Variants in KAZN observed in about 807,000 individuals in gnomAD.
KAZN encodes the protein kazrin.
KAZN carries 40 observed loss-of-function variants against 87.4 expected under a neutral mutation model. The observed-to-expected ratio is 0.46, with a 90% CI of 0.36 to 0.60. The LOEUF (loss-of-function observed/expected upper bound fraction) is 0.60, where lower values mean the gene tolerates loss of function less well. Ranked by LOEUF, KAZN falls within the 20% of genes least tolerant of loss-of-function variation. The pLI is 0.00. For synonymous variants in KAZN, 466 were observed against 458.3 expected, an observed-to-expected ratio of 1.02 and a Z score of -0.22; for missense variants, 898 against 1,073.9, an observed-to-expected ratio of 0.84 and a Z score of 2.29.
At chr1:14,072,779 C>T (rs533559232) in intron 1 of KAZN, among the ~76,000 whole-genome samples, 1 of 152,244 alleles carries the variant, frequency 6.6e-6, no homozygotes, top group African/African-American at 2.4e-5. Flanking sequence ...GGAACAATGA[C>T]ACCTCCCTCC....
At chr1:14,779,789 T>C (rs1301678258) in intron 1 of KAZN, among the ~76,000 whole-genome samples, 5 of 152,212 alleles carry the variant, frequency 3.3e-5, no homozygotes, top group African/African-American at 1.2e-4. Flanking sequence ...CAACTTTCTT[T>C]TCTTGGCAGC....
chr1:14,437,566 G>C (rs552866885), intron 2 of KAZN, among the ~76,000 whole-genome samples: 3 of 152,144 alleles, frequency 2.0e-5, no homozygotes, highest in Non-Finnish European at 4.4e-5. Context: ...GGATCAATTT[G>C]CTGTACTTTT....
At chr1:14,806,576 T>C (rs1044556911) in intron 1 of KAZN, among the ~76,000 whole-genome samples, 4 of 152,178 alleles carry the variant, frequency 2.6e-5, no homozygotes, top group African/African-American at 9.7e-5. Flanking sequence ...CTGTCTTCCA[T>C]TTTCTTCATG....
chr1:14,506,912 T>C (rs952771704), intron 2 of KAZN, among the ~76,000 whole-genome samples: 2 of 152,178 alleles, frequency 1.3e-5, no homozygotes, highest in African/African-American at 4.8e-5. Flanking sequence ...CTGTCTGTAT[T>C]GGTTCCAAAT....
intron 1 of KAZN, among the ~76,000 whole-genome samples, chr1:14,018,314 C>T (rs1008558103): frequency 4.6e-5 from 7 of 152,030 alleles, no homozygotes; most frequent in Non-Finnish European, 1.0e-4. Context: ...CGTGAGAAGA[C>T]GATGTTTGAT....
intron 1 of KAZN, among the ~76,000 whole-genome samples, chr1:14,135,867 C>T (rs1016070101): frequency 1.3e-5 from 2 of 152,190 alleles, no homozygotes; most frequent in Non-Finnish European, 2.9e-5. Context: ...CCAAAAGGAA[C>T]TATCCTCTAT....
At chr1:14,733,888 C>T (rs1168602742) in intron 1 of KAZN, among the ~76,000 whole-genome samples, 1 of 152,196 alleles carries the variant, frequency 6.6e-6, no homozygotes, top group East Asian at 1.9e-4. Flanking sequence ...TCCCTCCTTG[C>T]CCAATCTGCA....
chr1:14,703,483 G>A (rs1223226625), intron 1 of KAZN, among the ~76,000 whole-genome samples: 1 of 152,192 alleles, frequency 6.6e-6, no homozygotes. Flanking sequence ...AGAAGGACAT[G>A]TTTGCTTCCC....
At chr1:14,549,215 G>T (rs958877689) in intron 2 of KAZN, among the ~76,000 whole-genome samples, 1 of 151,920 alleles carries the variant, frequency 6.6e-6, no homozygotes, top group African/African-American at 2.4e-5. Flanking sequence ...TTGCACCTTG[G>T]GTCTGACAAC....
chr1:14,421,916 A>C (rs1247290341), intron 2 of KAZN, among the ~76,000 whole-genome samples: 2 of 152,154 alleles, frequency 1.3e-5, no homozygotes, highest in Non-Finnish European at 2.9e-5. Context: ...CTGACTGCCC[A>C]ATGAGCTAGT....
intron 2 of KAZN, among the ~76,000 whole-genome samples, chr1:14,246,076 A>G (rs899885544): frequency 4.6e-5 from 7 of 152,216 alleles, no homozygotes; most frequent in Non-Finnish European, 5.9e-5. Flanking sequence ...AAAGTAATGC[A>G]GGAACCAAAC....
At chr1:14,343,885 T>C (rs1259633363) in intron 2 of KAZN, among the ~76,000 whole-genome samples, 2 of 152,330 alleles carry the variant, frequency 1.3e-5, no homozygotes, top group East Asian at 3.9e-4. Context: ...CATTTTCATG[T>C]AAAGAATTGG....
chr1:14,653,104 G>T (rs1445659752), intron 1 of KAZN, among the ~76,000 whole-genome samples: 1 of 152,220 alleles, frequency 6.6e-6, no homozygotes, highest in Non-Finnish European at 1.5e-5. Flanking sequence ...TGATGCTGCT[G>T]TTGAGGTCAT....
chr1:14,770,565 G>A (rs904475356), intron 1 of KAZN, among the ~76,000 whole-genome samples: 6 of 152,150 alleles, frequency 3.9e-5, no homozygotes, highest in Admixed American at 3.3e-4. Context: ...GTTAGACTAT[G>A]TGTGAATATC....
Position 15,044,114 on chromosome 1 carries a change from C to T in KAZN, c.681C>T (p.Asp227=). 1 of 1,611,744 alleles carries T rather than the reference C, an allele frequency of 6.2e-7. No homozygotes were observed. Among genetic ancestry groups the T allele is most frequent in the South Asian group, 1.1e-5 (1 of 90,782 alleles). Reference sequence around the variant, plus strand: ...CCACGGCACTGCGCTCCCAGCTGGACCTCAAGGACAACCGGATGAAGGAGC... The same window carrying T: ...CCACGGCACTGCGCTCCCAGCTGGATCTCAAGGACAACCGGATGAAGGAGC... ...DHATALRSQL[D]LKDNRMKELE... Residue 227 remains aspartate, a synonymous_variant, in exon 4 of 15, where the codon GAC becomes GAT. Coordinates refer to ENST00000376030, the MANE Select transcript of KAZN (RefSeq NM_201628.3).
At position 14,136,499 on chromosome 1, in the gene KAZN, G is replaced by T. The variant is rs568024356; in HGVS notation, c.92-43936G>T. Among the ~76,000 whole-genome samples the T allele has an allele frequency of 1.2e-4, 18 of 152,302 alleles. No homozygotes were observed. The East Asian group carries it at 3.3e-3, about 28-fold the overall frequency. On this transcript the variant is annotated intron_variant, in intron 1 of 16. Coordinates refer to the KAZN transcript ENST00000636203. ...GAAAATGCAAGCAGGACGCTTTGTT[G>T]AAATACAGGACATCAGTGGCAAAAT... is the stretch of plus-strand genomic sequence containing the variant.
chr1:14,990,471 G>A (rs575289787), intron 2 of KAZN, among the ~76,000 whole-genome samples: 3 of 152,236 alleles, frequency 2.0e-5, no homozygotes, highest in South Asian at 2.1e-4. Context: ...CAATCCACCC[G>A]CCTTGGCCTC....
At position 14,996,496 on chromosome 1, in the gene KAZN, C is replaced by T. The variant is rs891083634; in HGVS notation, c.418+35621C>T. Reference sequence around the variant, plus strand: ...GCCCCAGGAATGTAGGGGGGATGGACGCCATGCTGAGAAAGCTGCCAAATT... The same window carrying T: ...GCCCCAGGAATGTAGGGGGGATGGATGCCATGCTGAGAAAGCTGCCAAATT... On this transcript the variant is annotated intron_variant, in intron 2 of 14. Coordinates refer to ENST00000376030, the MANE Select transcript of KAZN (RefSeq NM_201628.3). This position sits in a 1 kb window ranked among gnomAD's most constrained non-coding sequence, Gnocchi z 5.9. Among the ~76,000 whole-genome samples the T allele has an allele frequency of 1.3e-5, 2 of 152,158 alleles. No individual in the cohort carries two copies. Among genetic ancestry groups the T allele is most frequent in the Admixed American group, 6.5e-5 (1 of 15,284 alleles).
chr1:15,013,872 G>C (rs2102104299), intron 2 of KAZN, among the ~76,000 whole-genome samples: 1 of 152,250 alleles, frequency 6.6e-6, no homozygotes, highest in South Asian at 2.1e-4. Context: ...GGGGTGAGGT[G>C]GGGCAGGGGC....
Sources: gnomAD v4.1 joint callset for allele counts (sites outside exome capture counted in the v4.1 genomes callset) on GRCh38, gnomAD v4.1.1 for gene constraint, Gnocchi (gnomAD v3.1) non-coding constraint, MANE v1.5 for transcripts, NCBI Gene and HGNC (gene_info 2026-07-23, HGNC 2026-07-21) for gene names.